Variants in ZNF385B observed in about 807,000 individuals in gnomAD.
ZNF385B encodes zinc finger protein 385B, also known as zinc finger protein 533.
In ZNF385B, 23 loss-of-function variants were observed where a neutral mutation model predicts 39.2. The observed-to-expected ratio is 0.59, with a 90% CI of 0.42 to 0.83. ZNF385B has a LOEUF of 0.83. Among genes scored for constraint, ZNF385B ranks in the 40% least tolerant of loss-of-function variants. The pLI is 0.00. For synonymous variants in ZNF385B, 205 were observed against 222.6 expected, an observed-to-expected ratio of 0.92 and a Z score of 0.70; for missense variants, 552 against 598.9, an observed-to-expected ratio of 0.92 and a Z score of 0.82.
At chr2:179,753,417 G>A (rs1342479870) in intron 3 of ZNF385B, among the ~76,000 whole-genome samples, 3 of 152,208 alleles carry the variant, frequency 2.0e-5, no homozygotes, top group Admixed American at 2.0e-4. Context: ...TCTTGGCAAT[G>A]TGGGCTCTTT....
chr2:179,856,624 C>CAAAAA (rs11308289), intron 1 of ZNF385B, among the ~76,000 whole-genome samples: 3 of 108,308 alleles, frequency 2.8e-5, no homozygotes, highest in Non-Finnish European at 3.9e-5. Context: ...ACAGCAGAGA[C>CAAAAA]AAAAAAAAAA....
At position 179,544,836 on chromosome 2, in the gene ZNF385B, A is replaced by G. The variant is rs1427661917; in HGVS notation, c.432T>C (p.Asn144=). The change falls in exon 4 of 10, where the codon AAT becomes AAC. Residue 144 remains asparagine (N), a synonymous_variant. Transcript: ENST00000410066. ...DSSSAVGLFP[N]FNTMDPVQKA... The stretch of plus-strand genomic sequence containing the variant: ...AAATGAATTTACTCACTGTGTTAAA[A>G]TTTGGAAAGAGCCCAACAGCAGAAC... 1.2e-6 allele frequency: 2 copies of G among 1,614,092 alleles called. No homozygotes were observed. Among genetic ancestry groups the G allele is most frequent in the Non-Finnish European group, 1.7e-6 (2 of 1,179,946 alleles).
At chr2:179,566,073 G>A (rs566594751) in intron 3 of ZNF385B, among the ~76,000 whole-genome samples, 21 of 152,328 alleles carry the variant, frequency 1.4e-4, no homozygotes, top group East Asian at 7.7e-4. Flanking sequence ...GAATGTAGGC[G>A]TAAGGGAATA....
At chr2:179,469,484 C>T (rs983704627) in intron 6 of ZNF385B, among the ~76,000 whole-genome samples, 1 of 152,058 alleles carries the variant, frequency 6.6e-6, no homozygotes, top group Non-Finnish European at 1.5e-5. Context: ...GGATCAGGAC[C>T]CCTTTCTGGT....
intron 1 of ZNF385B, among the ~76,000 whole-genome samples, chr2:179,776,036 C>T (rs1333334320): frequency 6.6e-6 from 1 of 152,188 alleles, no homozygotes; most frequent in Non-Finnish European, 1.5e-5. Context: ...CCACATCTTA[C>T]CTCTGAAAGA....
chr2:179,699,384 T>C (rs1012538255), intron 3 of ZNF385B, among the ~76,000 whole-genome samples: 1 of 152,206 alleles, frequency 6.6e-6, no homozygotes, highest in Non-Finnish European at 1.5e-5. Context: ...GCTCTAGTAT[T>C]TCTGTTTTGC....
intron 5 of ZNF385B, among the ~76,000 whole-genome samples, chr2:179,512,667 C>T (rs4145838): frequency 0.82 from 124,223 of 152,082 alleles, 51,071 homozygotes; most frequent in East Asian, 0.92. Flanking sequence ...TTAGACAGCC[C>T]CATTCAGCTT....
At chr2:179,493,748 T>C (rs1449531065) in intron 5 of ZNF385B, among the ~76,000 whole-genome samples, 2 of 125,058 alleles carry the variant, frequency 1.6e-5, no homozygotes, top group Admixed American at 7.9e-5. Flanking sequence ...TATACATATG[T>C]GTATATACAT....
chr2:179,555,268 G>A lies in ZNF385B; in HGVS notation c.299-10299C>T, dbSNP rs948470825. On this transcript the variant is annotated intron_variant, in intron 3 of 9. Coordinates refer to ENST00000410066, the MANE Select transcript of ZNF385B (RefSeq NM_152520.6). ...CTGTATGATACCATTTATATAAAGC[G>A]TAAAACCAGGCAAAGTAATTTATTC... Among the ~76,000 whole-genome samples the A allele has an allele frequency of 1.1e-4, 16 of 149,400 alleles. 3 individuals carry two copies. The highest frequency in any genetic ancestry group is 8.5e-4 in the South Asian group (4 of 4,688).
At chr2:179,452,661 T>C (rs1275267344) in intron 6 of ZNF385B, among the ~76,000 whole-genome samples, 1 of 152,166 alleles carries the variant, frequency 6.6e-6, no homozygotes, top group African/African-American at 2.4e-5. Context: ...TAATCAGAAT[T>C]CAGTGGTTAA....
chr2:179,613,674 G>A (rs1689481491), intron 3 of ZNF385B, among the ~76,000 whole-genome samples: 1 of 152,240 alleles, frequency 6.6e-6, no homozygotes, highest in South Asian at 2.1e-4. Context: ...TCTCTCAAGT[G>A]GAGGAAAGGA....
intron 6 of ZNF385B, among the ~76,000 whole-genome samples, chr2:179,449,127 T>C (rs1363866283): frequency 1.3e-5 from 2 of 152,078 alleles, no homozygotes; most frequent in Non-Finnish European, 2.9e-5. Context: ...ATAAAGTAAG[T>C]ATGGACTATA....
At chr2:179,462,762 A>C (rs2051484652) in intron 6 of ZNF385B, among the ~76,000 whole-genome samples, 1 of 152,204 alleles carries the variant, frequency 6.6e-6, no homozygotes, top group Non-Finnish European at 1.5e-5. Context: ...CTAAAGGAGC[A>C]GGAAGAAAAG....
chr2:179,854,449 C>T (rs1684420166), intron 1 of ZNF385B, among the ~76,000 whole-genome samples: 1 of 151,246 alleles, frequency 6.6e-6, no homozygotes. Flanking sequence ...ATATCCTTAC[C>T]TATTATTAGG....
intron 3 of ZNF385B, 47 bp from the exon 4 acceptor site, chr2:179,545,016 A>G: frequency 2.5e-6 from 4 of 1,611,980 alleles, no homozygotes; most frequent in Non-Finnish European, 3.4e-6. Flanking sequence ...GCTCACATCC[A>G]TCTCCCTCCC....
At chr2:179,777,383 A>G (rs1464059963) in intron 1 of ZNF385B, among the ~76,000 whole-genome samples, 1 of 152,186 alleles carries the variant, frequency 6.6e-6, no homozygotes, top group Non-Finnish European at 1.5e-5. Flanking sequence ...TCATGAAAAA[A>G]CAATTACAAA....
intron 3 of ZNF385B, among the ~76,000 whole-genome samples, chr2:179,753,447 T>G (rs356410): frequency 0.1 from 15,474 of 152,236 alleles, 1,024 homozygotes; most frequent in Admixed American, 0.22. Context: ...ATATGAACTT[T>G]AAAGTAGTTT....
intron 1 of ZNF385B, among the ~76,000 whole-genome samples, chr2:179,772,522 T>A (rs925304872): frequency 8.5e-5 from 13 of 152,150 alleles, no homozygotes; most frequent in African/African-American, 2.9e-4. Flanking sequence ...CCAAAGTATA[T>A]TTAGCTGCAG....
intron 1 of ZNF385B, among the ~76,000 whole-genome samples, chr2:179,851,567 C>T (rs535968553): frequency 6.6e-6 from 1 of 152,304 alleles, no homozygotes. Context: ...CTTTATGCCA[C>T]CCTCCTCTCA....
Sources: gnomAD v4.1 joint callset for allele counts (sites outside exome capture counted in the v4.1 genomes callset) on GRCh38, gnomAD v4.1.1 for gene constraint, MANE v1.5 for transcripts, NCBI Gene and HGNC (gene_info 2026-07-23, HGNC 2026-07-21) for gene names.